The following ZNF273 variants were observed in gnomAD, a reference collection of about 807,000 sequenced individuals.
ZNF273 encodes the protein zinc finger protein 9.
In ZNF273, 11 loss-of-function variants were observed where a neutral mutation model predicts 14.9. The ratio of observed to expected loss-of-function variants is 0.74; its 90% CI spans 0.46 to 1.22. The LOEUF (loss-of-function observed/expected upper bound fraction) is 1.22. ZNF273 is among the 50% of genes most tolerant of loss of function. ZNF273 has a pLI of 0.00. For synonymous variants in ZNF273, 199 were observed against 223.9 expected (o/e 0.89, Z 0.99); for missense variants, 577 against 660.6 (o/e 0.87, Z 1.39).
chr7:64,885,966 T>A (rs1003248149), intron 1 of ZNF273, among the ~76,000 whole-genome samples: 1 of 152,218 alleles, frequency 6.6e-6, no homozygotes, highest in Non-Finnish European at 1.5e-5. Context: ...GGCTTACCAC[T>A]GAGCTCAGAA....
intron 1 of ZNF273, among the ~76,000 whole-genome samples, chr7:64,878,092 G>T (rs1374839364): frequency 6.6e-6 from 1 of 152,164 alleles, no homozygotes; most frequent in African/African-American, 2.4e-5. Context: ...GGCTCACGTG[G>T]CTCACGCACT....
intron 1 of ZNF273, among the ~76,000 whole-genome samples, chr7:64,903,647 C>T (rs572042861): frequency 6.6e-6 from 1 of 152,326 alleles, no homozygotes; most frequent in African/African-American, 2.4e-5. Flanking sequence ...GTGACCGTTC[C>T]CTGGCCTGGA....
At position 64,928,326 on chromosome 7, in the gene ZNF273, T is replaced by A; in HGVS notation, c.998T>A (p.Leu333His). The A allele has an allele frequency of 6.2e-7, 1 of 1,613,706 alleles. No homozygotes were observed. Among genetic ancestry groups the A allele is most frequent in the Non-Finnish European group, 8.5e-7 (1 of 1,179,810 alleles). Residue 333 changes from leucine (L) to histidine (H), a missense_variant, in exon 4 of 4, where the codon CTT becomes CAT. Leu to His is a moderately conservative substitution (Grantham distance 99). Coordinates refer to ENST00000476120, the MANE Select transcript of ZNF273 (RefSeq NM_021148.3). ...CGKGFSIFSTLTKHKIIHTGE... is the reference protein window; with the variant it reads ...CGKGFSIFSTHTKHKIIHTGE... The stretch of plus-strand genomic sequence containing the variant: ...AAAGGCTTTAGTATATTCTCAACCC[T>A]TACTAAACATAAGATAATTCATACT...
At position 64,928,266 on chromosome 7, in the gene ZNF273, C is replaced by G. The variant is rs1158954578; in HGVS notation, c.938C>G (p.Thr313Arg). The G allele has an allele frequency of 1.9e-6, 3 of 1,612,440 alleles. No individual in the cohort carries two copies. The highest frequency in any genetic ancestry group is 2.5e-6 in the Non-Finnish European group (3 of 1,179,468). ...SVLTKHKIIHTGTKPYNCEEC... is the reference protein window; with the variant it reads ...SVLTKHKIIHRGTKPYNCEEC... ...CTTACTAAACATAAGATAATTCATA[C>G]AGGAACAAAACCCTACAATTGTGAA... The change falls in exon 4 of 4, where the codon ACA becomes AGA. Residue 313 changes from threonine to arginine, a missense_variant. By Grantham distance (71) the Thr-to-Arg change is moderately conservative. This residue lies in a region of ZNF273 where 411 missense variants were observed against 440.4 expected (regional missense o/e 0.93). Transcript: ENST00000476120.
upstream of ZNF273, among the ~76,000 whole-genome samples, chr7:64,899,684 A>G (rs1416656730): frequency 6.6e-6 from 1 of 152,014 alleles, no homozygotes; most frequent in East Asian, 1.9e-4. Flanking sequence ...ATTTCTATTA[A>G]GTTGTTTAAA....
rs1562959220 is a variant in ZNF273, at chr7:64,912,846, T to TTTTTTTTTTTTTTTTTTTG, written c.103-4735_103-4734insTTTTTTTTTTTTTTTTTTG. ...TTTTAGTTTTTTTTTTTTTTTTTTT[T>TTTTTTTTTTTTTTTTTTTG]GAGATTGAGTTTCGCTCTGTCATCC... On this transcript the variant is annotated intron_variant, in intron 1 of 3. Transcript: ENST00000476120. Among the ~76,000 whole-genome samples the TTTTTTTTTTTTTTTTTTTG allele has an allele frequency of 8.2e-4, 81 of 98,252 alleles. 15 individuals are homozygous for TTTTTTTTTTTTTTTTTTTG. The highest frequency in any genetic ancestry group is 1.6e-3 in the Non-Finnish European group (63 of 39,242). 64.5% of individuals were successfully genotyped at this position (98,252 alleles called of 152,430 possible).
rs1562959220 is a variant in ZNF273 at position 64,912,846 on chromosome 7, T to TTTTTTTTTTTTTTTTTTTTTTTTG, written c.103-4735_103-4734insTTTTTTTTTTTTTTTTTTTTTTTG. On this transcript the variant is annotated intron_variant, in intron 1 of 3. Coordinates refer to ENST00000476120, the MANE Select transcript of ZNF273 (RefSeq NM_021148.3). Reference sequence around the variant, plus strand: ...TTTTAGTTTTTTTTTTTTTTTTTTTTGAGATTGAGTTTCGCTCTGTCATCC... The same window carrying TTTTTTTTTTTTTTTTTTTTTTTTG: ...TTTTAGTTTTTTTTTTTTTTTTTTTTTTTTTTTTTTTTTTTTTTTTTTTGGAGATTGAGTTTCGCTCTGTCATCC... Among the ~76,000 whole-genome samples, 46 of 98,266 alleles carry TTTTTTTTTTTTTTTTTTTTTTTTG rather than the reference T, an allele frequency of 4.7e-4. 9 individuals are homozygous for TTTTTTTTTTTTTTTTTTTTTTTTG. Among genetic ancestry groups the TTTTTTTTTTTTTTTTTTTTTTTTG allele is most frequent in the Non-Finnish European group, 7.9e-4 (31 of 39,252 alleles). 64.5% of individuals were successfully genotyped at this position (98,266 alleles called of 152,430 possible).
At chr7:64,888,558 T>C in intron 1 of ZNF273, 1 of 985,826 alleles carries the variant, frequency 1.0e-6, no homozygotes, top group Non-Finnish European at 1.2e-6. Context: ...ATTATGATGA[T>C]TTTTATTTTC....
downstream of ZNF273, among the ~76,000 whole-genome samples, chr7:64,894,655 A>C (rs1437040156): frequency 6.6e-6 from 1 of 151,886 alleles, no homozygotes; most frequent in Non-Finnish European, 1.5e-5. Flanking sequence ...ATTTCATAAA[A>C]TAAACCTGAA....
At chr7:64,898,860 A>G (rs1583974676), upstream of ZNF273, among the ~76,000 whole-genome samples, 1 of 152,342 alleles carries the variant, frequency 6.6e-6, no homozygotes, top group South Asian at 2.1e-4. Flanking sequence ...GCATGGCTAG[A>G]TACTTACTGA....
intron 1 of ZNF273, among the ~76,000 whole-genome samples, chr7:64,914,018 T>C (rs1402365920): frequency 6.6e-6 from 1 of 151,942 alleles, no homozygotes; most frequent in Non-Finnish European, 1.5e-5. Context: ...TTCGCCTTTT[T>C]TTGTTTTTGA....
rs1318624316 is a variant in ZNF273 at position 64,929,214 on chromosome 7, T to G, written c.*176T>G. Reference sequence around the variant, plus strand: ...AAGTCATTAATATCTGCTCATATCTTAACATCAGCGAGTTGGTATTTAATA... The same window carrying G: ...AAGTCATTAATATCTGCTCATATCTGAACATCAGCGAGTTGGTATTTAATA... On this transcript the variant is annotated 3_prime_UTR_variant, in exon 4 of 4. Transcript: ENST00000476120. 1 of 250,062 alleles carries G rather than the reference T, an allele frequency of 4.0e-6. No homozygotes were observed. The highest frequency in any genetic ancestry group is 7.4e-5 in the East Asian group (1 of 13,534). The allele number at this position is 250,062 out of a possible 1,614,324, so 15.5% of individuals were successfully genotyped here.
downstream of ZNF273, among the ~76,000 whole-genome samples, chr7:64,890,793 G>A (rs77583323): frequency 0.42 from 63,021 of 151,736 alleles, 13,246 homozygotes; most frequent in South Asian, 0.45. Context: ...AACAGGCTCA[G>A]TGATGGGGCA....
At chr7:64,909,187 G>A (rs568913701) in intron 1 of ZNF273, among the ~76,000 whole-genome samples, 5 of 151,562 alleles carry the variant, frequency 3.3e-5, no homozygotes, top group Admixed American at 2.6e-4. Context: ...AATGTGCTGC[G>A]ATTACAGGCG....
downstream of ZNF273, chr7:64,889,017 C>A: frequency 1.0e-6 from 1 of 986,024 alleles, no homozygotes; most frequent in Non-Finnish European, 1.2e-6. This position sits in a 1 kb window ranked among gnomAD's most constrained non-coding sequence, Gnocchi z 4.2. Context: ...GAACCGCCTA[C>A]AAGGAACCGA....
At chr7:64,898,719 T>C (rs528632667), upstream of ZNF273, among the ~76,000 whole-genome samples, 1 of 152,306 alleles carries the variant, frequency 6.6e-6, no homozygotes, top group Admixed American at 6.5e-5. Context: ...AGTATTCACA[T>C]TGAGTCACTT....
chr7:64,913,536 T>C (rs142728114), intron 1 of ZNF273, among the ~76,000 whole-genome samples: 7 of 152,382 alleles, frequency 4.6e-5, no homozygotes, highest in Admixed American at 6.5e-5. Flanking sequence ...AATGCAGACT[T>C]ATTCAGACAT....
At chr7:64,888,021 G>A (rs1791704222) in intron 1 of ZNF273, among the ~76,000 whole-genome samples, 1 of 152,074 alleles carries the variant, frequency 6.6e-6, no homozygotes, top group Non-Finnish European at 1.5e-5. Flanking sequence ...CCCCATCCCT[G>A]AGAAGTCCCA....
At chr7:64,903,464 G>A (rs1319589201) in intron 1 of ZNF273, 45 bp downstream of exon 1, 1 of 1,554,928 alleles carries the variant, frequency 6.4e-7, no homozygotes, top group Non-Finnish European at 8.9e-7. Context: ...GGAGGGCCTG[G>A]TTGGAACTGG....
Sources: allele counts gnomAD v4.1 joint callset (sites outside exome capture counted in the v4.1 genomes callset), GRCh38; gene constraint gnomAD v4.1.1; regional missense constraint gnomAD v4.1.1; non-coding constraint Gnocchi (gnomAD v3.1); transcripts MANE v1.5; gene names NCBI Gene and HGNC (gene_info 2026-07-23, HGNC 2026-07-21).